BRD4: variants seen among roughly 807,000 people sequenced by gnomAD.
BRD4 encodes the protein bromodomain containing 4.
BRD4 carries 16 observed loss-of-function variants against 142.1 expected under a neutral mutation model. The ratio of observed to expected loss-of-function variants is 0.11; its 90% CI spans 0.08 to 0.17. The LOEUF is 0.17. BRD4 is among the 10% of genes least tolerant of loss of function. BRD4 has a pLI of 1.00. For missense variants in BRD4, 1,424 were observed against 1,810.9 expected (o/e 0.79, Z 3.88); for synonymous variants, 833 against 707.5 (o/e 1.18, Z -2.82).
At chr19:15,275,426 T>C (rs936650967) in intron 1 of BRD4, among the ~76,000 whole-genome samples, 13 of 152,138 alleles carry the variant, frequency 8.5e-5, no homozygotes, top group African/African-American at 2.9e-4. Flanking sequence ...TCTAAGCAGA[T>C]AGAGTGGCCC....
At chr19:15,296,716 C>T (rs780417848) in intron 1 of BRD4, among the ~76,000 whole-genome samples, 1 of 152,208 alleles carries the variant, frequency 6.6e-6, no homozygotes, top group Admixed American at 6.5e-5. Context: ...AGCACCACTC[C>T]GTCCAGCGGC....
rs1599542109 is a variant in BRD4 at position 15,332,437 on chromosome 19, C to T, written c.-182G>A. On this transcript the variant is annotated 5_prime_UTR_variant, in exon 1 of 20. Coordinates refer to ENST00000679869, the MANE Select transcript of BRD4 (RefSeq NM_001379291.1). ...CGCCCGCGGGCACCGCCGGCAGCCG[C>T]CGCAGCCGCTGCCGCCGCCACTGCT... is the stretch of plus-strand genomic sequence containing the variant. The T allele has an allele frequency of 6.8e-6, 1 of 147,174 alleles. No individual in the cohort carries two copies. The highest frequency in any genetic ancestry group is 2.5e-5 in the African/African-American group (1 of 40,794). 9.1% of individuals were successfully genotyped at this position (147,174 alleles called of 1,614,324 possible). A position where few individuals can be genotyped will look rare whatever the true frequency, so the allele number is the denominator to read the frequency against.
chr19:15,311,881 C>G (rs1029520578), intron 1 of BRD4, among the ~76,000 whole-genome samples: 2 of 152,118 alleles, frequency 1.3e-5, no homozygotes, highest in Non-Finnish European at 2.9e-5. Context: ...GGTAGTCAAA[C>G]TCATAGAAAC....
chr19:15,327,185 A>G (rs1332806573), intron 1 of BRD4, among the ~76,000 whole-genome samples: 10 of 152,192 alleles, frequency 6.6e-5, no homozygotes, highest in Non-Finnish European at 1.0e-4. Flanking sequence ...CAAAAACTTA[A>G]ACATAGATAT....
intron 1 of BRD4, among the ~76,000 whole-genome samples, chr19:15,310,213 C>CTT (rs34519343): frequency 0.32 from 39,537 of 122,322 alleles, 7,582 homozygotes; most frequent in Non-Finnish European, 0.41. Context: ...TTAAACAGTC[C>CTT]TTTTTTTTTT....
intron 1 of BRD4, among the ~76,000 whole-genome samples, chr19:15,307,641 C>T (rs567693659): frequency 3.9e-5 from 6 of 152,192 alleles, no homozygotes; most frequent in South Asian, 4.2e-4. Context: ...AAAGCCTGGG[C>T]GCGGAAGTGA....
intron 1 of BRD4, among the ~76,000 whole-genome samples, chr19:15,324,955 G>A (rs968929870): frequency 6.6e-6 from 1 of 152,154 alleles, no homozygotes; most frequent in African/African-American, 2.4e-5. Flanking sequence ...TGGAAGACGT[G>A]GCACCTCTGG....
chr19:15,307,974 C>T (rs1457021451), intron 1 of BRD4, among the ~76,000 whole-genome samples: 1 of 151,480 alleles, frequency 6.6e-6, no homozygotes, highest in Non-Finnish European at 1.5e-5. Flanking sequence ...ATTAACTGGG[C>T]ATGGTGGCGG....
At chr19:15,302,700 A>T (rs540890792) in intron 1 of BRD4, among the ~76,000 whole-genome samples, 2 of 150,048 alleles carry the variant, frequency 1.3e-5, no homozygotes, top group South Asian at 4.2e-4. Flanking sequence ...AAAAAGGATT[A>T]AAAAATTAAA....
chr19:15,264,365 T>C (rs775242743), intron 6 of BRD4, 39 bp downstream of exon 6: 1 of 1,557,264 alleles, frequency 6.4e-7, no homozygotes, highest in East Asian at 2.3e-5. Flanking sequence ...AGGGACAGCC[T>C]GCCCACCTTG....
At chr19:15,250,808 T>C (rs1394533361) in intron 11 of BRD4, among the ~76,000 whole-genome samples, 7 of 152,192 alleles carry the variant, frequency 4.6e-5, no homozygotes, top group African/African-American at 7.2e-5. Context: ...CCCTGCCCCA[T>C]GTGCTTGGCA....
At position 15,272,818 on chromosome 19, in the gene BRD4, G is replaced by C. The variant is rs781074099; in HGVS notation, c.282C>G (p.Leu94=). ...QQPVDAVKLN[L]PDYYKIIKTP... ...GGGCCCTGCCCACACTACTCACAGGGAGGTTCAGCTTGACGGCATCCACAG... is the reference window on the plus strand; with the variant it reads ...GGGCCCTGCCCACACTACTCACAGGCAGGTTCAGCTTGACGGCATCCACAG... The change falls in exon 2 of 20, where the codon CTC becomes CTG. Residue 94 remains leucine (L), a synonymous_variant. Coordinates refer to ENST00000679869, the MANE Select transcript of BRD4 (RefSeq NM_001379291.1). 6.2e-7 allele frequency: 1 copy of C among 1,613,300 alleles called. No homozygotes were observed. Among genetic ancestry groups the C allele is most frequent in the Non-Finnish European group, 8.5e-7 (1 of 1,179,446 alleles).
intron 1 of BRD4, among the ~76,000 whole-genome samples, chr19:15,273,570 TCA>T (rs1779222096): frequency 6.6e-6 from 1 of 152,226 alleles, no homozygotes; most frequent in African/African-American, 2.4e-5. Context: ...CTTGCATTTA[TCA>T]CACACAAAGC....
At position 15,254,095 on chromosome 19, in the gene BRD4, G is replaced by C. The variant is rs536181694; in HGVS notation, c.2158+57C>G. ...GCATCCTGGACACAGGACCGAGCTA[G>C]TGCCAGGCACAGGTGGGAAGAGTTT... On this transcript the variant is annotated intron_variant, in intron 11 of 19. Transcript: ENST00000679869. 9.4e-5 allele frequency: 137 copies of C among 1,454,474 alleles called. No homozygotes were observed. The African/African-American group carries it at 1.7e-3, about 18-fold the overall frequency. 90.1% of individuals were successfully genotyped at this position (1,454,474 alleles called of 1,614,324 possible). A position where few individuals can be genotyped will look rare whatever the true frequency, so the allele number is the denominator to read the frequency against.
chr19:15,331,509 G>A (rs2048158100), intron 1 of BRD4, among the ~76,000 whole-genome samples: 1 of 152,214 alleles, frequency 6.6e-6, no homozygotes, highest in Non-Finnish European at 1.5e-5. Context: ...GCAAGGGGCT[G>A]CCAGGCTGAG....
In BRD4 at chr19:15,238,140, G is replaced by A; in HGVS notation, c.*237C>T. ...GGCACTTGCTCGTAACAAGGCGTGT[G>A]CTGAGCGGACGTCCTGTGAGGGGTG... On this transcript the variant is annotated 3_prime_UTR_variant, in exon 20 of 20. Coordinates refer to ENST00000679869, the MANE Select transcript of BRD4 (RefSeq NM_001379291.1). This position sits in a 1 kb window ranked among gnomAD's most constrained non-coding sequence, Gnocchi z 7.2. 1.7e-6 allele frequency: 1 copy of A among 582,012 alleles called. No homozygotes were observed. The highest frequency in any genetic ancestry group is 3.0e-6 in the Non-Finnish European group (1 of 334,496). 36.1% of individuals were successfully genotyped at this position (582,012 alleles called of 1,614,324 possible). A position where few individuals can be genotyped will look rare whatever the true frequency, so the allele number is the denominator to read the frequency against.
intron 3 of BRD4, 40 bp from the exon 4 acceptor site, chr19:15,267,591 C>A (rs1395701490): frequency 5.6e-6 from 9 of 1,602,666 alleles, no homozygotes; most frequent in Non-Finnish European, 7.6e-6. Flanking sequence ...GAGGGCCCTC[C>A]CCTCCCCACC....
Position 15,237,578 on chromosome 19 carries a change from G to A in BRD4, c.*799C>T, listed in dbSNP as rs2047203398. The A allele has an allele frequency of 9.2e-6, 2 of 216,336 alleles. No individual in the cohort carries two copies. The highest frequency in any genetic ancestry group is 1.2e-4 in the Admixed American group (2 of 16,946). 13.4% of individuals were successfully genotyped at this position (216,336 alleles called of 1,614,324 possible). A position where few individuals can be genotyped will look rare whatever the true frequency, so the allele number is the denominator to read the frequency against. On this transcript the variant is annotated 3_prime_UTR_variant, in exon 20 of 20. Transcript: ENST00000679869. ...CAGTGCCATTGTGTCTGGAGGAGAA[G>A]AGAGAATTAAAAATAAAATAGAATT...
At position 15,239,556 on chromosome 19, in the gene BRD4, C is replaced by T. The variant is rs60057301; in HGVS notation, c.3446-34G>A. 2.9e-3 allele frequency: 4,551 copies of T among 1,590,138 alleles called. 104 individuals carry two copies. In the African/African-American group the frequency reaches 0.053, roughly 19 times the overall value. ...TAAACAGCCGGTGGGCCCTGGCCCA[C>T]CTCACCCCAGTGGGGCATGGTCCAC... is the stretch of plus-strand genomic sequence containing the variant. On this transcript the variant is annotated intron_variant, in intron 16 of 19. Transcript: ENST00000679869. The surrounding 1 kb of genome is among the most constrained non-coding windows in gnomAD (Gnocchi z 7.4).
Sources: gnomAD v4.1 joint callset for allele counts (sites outside exome capture counted in the v4.1 genomes callset) on GRCh38, gnomAD v4.1.1 for gene constraint, Gnocchi (gnomAD v3.1) non-coding constraint, MANE v1.5 for transcripts, NCBI Gene and HGNC (gene_info 2026-07-23, HGNC 2026-07-21) for gene names.